The following KCTD8 variants were observed in gnomAD, a reference collection of about 807,000 sequenced individuals.
KCTD8 encodes BTB/POZ domain-containing protein KCTD8.
Under a neutral mutation model 31.5 loss-of-function variants are expected in KCTD8, and 27 were observed. The ratio of observed to expected loss-of-function variants is 0.86; its 90% CI spans 0.63 to 1.18. The LOEUF (loss-of-function observed/expected upper bound fraction) is 1.18. Ranked by LOEUF, KCTD8 falls within the 50% of genes most tolerant of loss-of-function variation. The pLI is 0.00. For missense variants in KCTD8, 658 were observed against 647.7 expected (o/e 1.02, Z -0.17); for synonymous variants, 290 against 280.0 (o/e 1.04, Z -0.36).
rs377428655 is a variant in KCTD8, at chr4:44,270,866, G to A, written c.962-95616C>T. 6.6e-5 allele frequency among the ~76,000 whole-genome samples: 10 copies of A among 152,068 alleles called. No individual in the cohort carries two copies. The East Asian group carries it at 9.7e-4, about 15-fold the overall frequency. ...TTTAAATAGGGAGAAGAGGTCCTTTGAAATCTATTTATTCTCAGACTAGCA... is the reference window on the plus strand; with the variant it reads ...TTTAAATAGGGAGAAGAGGTCCTTTAAAATCTATTTATTCTCAGACTAGCA... On this transcript the variant is annotated intron_variant, in intron 1 of 1. Coordinates refer to ENST00000360029, the MANE Select transcript of KCTD8 (RefSeq NM_198353.3).
intron 1 of KCTD8, among the ~76,000 whole-genome samples, chr4:44,289,779 C>A (rs1717215796): frequency 6.6e-6 from 1 of 152,152 alleles, no homozygotes. Flanking sequence ...GCACACAGGG[C>A]AGCTGCAGTG....
At position 44,448,374 on chromosome 4, in the gene KCTD8, T is replaced by C. The variant is rs1173129231; in HGVS notation, c.150A>G (p.Val50=). ...GCTTGGTCACATAAACCTGGCCGCC[T>C]ACGTTCAGCTCCACTACTTCAGGGA... ...SPFPEVVELN[V]GGQVYVTKHS... is the part of the protein sequence containing the mutation. The change falls in exon 1 of 2, where the codon GTA becomes GTG. Residue 50 remains valine, a synonymous_variant. Coordinates refer to ENST00000360029, the MANE Select transcript of KCTD8 (RefSeq NM_198353.3). This position sits in a 1 kb window ranked among gnomAD's most constrained non-coding sequence, Gnocchi z 4.1. 3.1e-6 allele frequency: 5 copies of C among 1,590,810 alleles called. No homozygotes were observed. In the African/African-American group the frequency reaches 4.1e-5, roughly 13 times the overall value.
intron 1 of KCTD8, among the ~76,000 whole-genome samples, chr4:44,323,201 T>A (rs1273787335): frequency 6.6e-6 from 1 of 151,946 alleles, no homozygotes; most frequent in African/African-American, 2.4e-5. Flanking sequence ...TATTTTCATA[T>A]AATAACATGT....
chr4:44,428,577 G>T (rs908856058), intron 1 of KCTD8, among the ~76,000 whole-genome samples: 1 of 151,740 alleles, frequency 6.6e-6, no homozygotes, highest in Non-Finnish European at 1.5e-5. Context: ...TCTCCCAAAA[G>T]TGTGCACAAG....
chr4:44,448,805 A>G lies in KCTD8; in HGVS notation c.-282T>C. ...TGCTCCTTTGGGGCGAGGGCGGGGA[A>G]GTGTGAGAGAGACTTGCGAGAGGCT... is the stretch of plus-strand genomic sequence containing the variant. On this transcript the variant is annotated 5_prime_UTR_variant, in exon 1 of 2. Transcript: ENST00000360029. The surrounding 1 kb of genome is among the most constrained non-coding windows in gnomAD (Gnocchi z 4.1). 3.3e-6 allele frequency: 1 copy of G among 307,036 alleles called. No homozygotes were observed. Among genetic ancestry groups the G allele is most frequent in the Non-Finnish European group, 5.9e-6 (1 of 168,520 alleles). The allele number at this position is 307,036 out of a possible 1,614,324, so 19.0% of individuals were successfully genotyped here.
intron 1 of KCTD8, among the ~76,000 whole-genome samples, chr4:44,373,182 G>T (rs774012539): frequency 1.3e-5 from 2 of 152,084 alleles, no homozygotes; most frequent in Non-Finnish European, 2.9e-5. Flanking sequence ...GACCAACATG[G>T]TGAAACTGTC....
intron 1 of KCTD8, among the ~76,000 whole-genome samples, chr4:44,356,381 A>G (rs1187237373): frequency 1.3e-5 from 2 of 152,210 alleles, no homozygotes; most frequent in Non-Finnish European, 2.9e-5. Context: ...AGCATTATAA[A>G]TTGACAGTTA....
At chr4:44,396,514 TAAAGTC>T (rs1415961343) in intron 1 of KCTD8, among the ~76,000 whole-genome samples, 1 of 152,126 alleles carries the variant, frequency 6.6e-6, no homozygotes, top group African/African-American at 2.4e-5. Context: ...TGTTTCTTCT[TAAAGTC>T]AGGTCAGAAA....
intron 1 of KCTD8, among the ~76,000 whole-genome samples, chr4:44,224,114 A>G (rs62304813): frequency 0.13 from 19,571 of 152,178 alleles, 1,462 homozygotes; most frequent in East Asian, 0.24. Flanking sequence ...GAGTAATGGT[A>G]TACTTAAATA....
chr4:44,330,254 C>T (rs1718562433), intron 1 of KCTD8, among the ~76,000 whole-genome samples: 1 of 151,856 alleles, frequency 6.6e-6, no homozygotes, highest in Admixed American at 6.6e-5. Flanking sequence ...AGGTGGATAT[C>T]GCACTTAATG....
At chr4:44,415,507 T>C (rs937165871) in intron 1 of KCTD8, among the ~76,000 whole-genome samples, 1 of 152,070 alleles carries the variant, frequency 6.6e-6, no homozygotes, top group African/African-American at 2.4e-5. Flanking sequence ...GTTCCTCCCA[T>C]CACAAACCCT....
chr4:44,268,674 C>T (rs1435086135), intron 1 of KCTD8, among the ~76,000 whole-genome samples: 7 of 152,172 alleles, frequency 4.6e-5, no homozygotes, highest in Non-Finnish European at 8.8e-5. Flanking sequence ...ACTCCTTAAG[C>T]TGATAAGCAA....
intron 1 of KCTD8, among the ~76,000 whole-genome samples, chr4:44,218,742 A>G (rs1339012064): frequency 6.6e-6 from 1 of 152,002 alleles, no homozygotes; most frequent in African/African-American, 2.4e-5. Flanking sequence ...CTATACTCTT[A>G]CTATTCCTGG....
chr4:44,313,387 C>G (rs564516843), intron 1 of KCTD8, among the ~76,000 whole-genome samples: 2 of 151,994 alleles, frequency 1.3e-5, no homozygotes, highest in African/African-American at 2.4e-5. Context: ...GCAGTGATGC[C>G]CTAAAGTAGG....
chr4:44,206,274 G>A (rs1419386072), intron 1 of KCTD8, among the ~76,000 whole-genome samples: 3 of 151,872 alleles, frequency 2.0e-5, no homozygotes, highest in African/African-American at 7.3e-5. Flanking sequence ...ACAATTACAC[G>A]GTAACCAGGT....
intron 1 of KCTD8, among the ~76,000 whole-genome samples, chr4:44,325,024 GAACA>G (rs1372029035): frequency 1.3e-5 from 2 of 151,936 alleles, no homozygotes; most frequent in East Asian, 3.9e-4. Context: ...ATAAGCATGA[GAACA>G]AATAGGGTGG....
At chr4:44,376,022 T>C (rs1719908512) in intron 1 of KCTD8, among the ~76,000 whole-genome samples, 1 of 152,030 alleles carries the variant, frequency 6.6e-6, no homozygotes, top group Admixed American at 6.6e-5. Context: ...GTGGTTGGAG[T>C]GATTGAGACT....
intron 1 of KCTD8, among the ~76,000 whole-genome samples, chr4:44,255,116 C>T (rs1165547636): frequency 6.6e-6 from 1 of 151,856 alleles, no homozygotes; most frequent in Non-Finnish European, 1.5e-5. Flanking sequence ...CAGATAAGTG[C>T]ACCCTGCCTA....
At chr4:44,439,642 A>G (rs1487030531) in intron 1 of KCTD8, among the ~76,000 whole-genome samples, 3 of 152,240 alleles carry the variant, frequency 2.0e-5, no homozygotes, top group African/African-American at 7.2e-5. Flanking sequence ...AAAATGAATC[A>G]AGATTGTAAG....
Sources: allele counts gnomAD v4.1 joint callset (sites outside exome capture counted in the v4.1 genomes callset), GRCh38; gene constraint gnomAD v4.1.1; non-coding constraint Gnocchi (gnomAD v3.1); transcripts MANE v1.5; gene names NCBI Gene and HGNC (gene_info 2026-07-23, HGNC 2026-07-21).